Variants in IL20RB observed in about 807,000 individuals in gnomAD.
The protein encoded by IL20RB is interleukin 20 receptor subunit beta.
In IL20RB, 21 loss-of-function variants were observed where a neutral mutation model predicts 33.3. That is an observed-to-expected ratio of 0.63 (90% CI 0.45 to 0.91). The LOEUF is 0.91. IL20RB is among the 40% of genes least tolerant of loss of function. The pLI is 0.00. For missense variants in IL20RB, 345 were observed against 384.8 expected (o/e 0.90, Z 0.86); for synonymous variants, 147 against 146.8 (o/e 1.00, Z -0.01).
chr3:136,970,179 A>G (rs891310065), intron 1 of IL20RB, among the ~76,000 whole-genome samples: 7 of 151,004 alleles, frequency 4.6e-5, no homozygotes, highest in African/African-American at 9.7e-5. Context: ...TGCGGTCTCA[A>G]CCTCCTGGAT....
chr3:136,998,558 T>G (rs1027821512), intron 6 of IL20RB, among the ~76,000 whole-genome samples: 7 of 151,516 alleles, frequency 4.6e-5, no homozygotes. Flanking sequence ...AAATTCTCTT[T>G]GATTTTTTTT....
intron 4 of IL20RB, 31 bp from the exon 5 acceptor site, chr3:136,991,907 G>A: frequency 6.2e-7 from 1 of 1,609,032 alleles, no homozygotes; most frequent in Middle Eastern, 1.7e-4. Context: ...ACCGCACTTG[G>A]CCAATAACTG....
At chr3:136,984,759 C>CTGGAATGGAA (rs770515796) in intron 3 of IL20RB, among the ~76,000 whole-genome samples, 1 of 151,804 alleles carries the variant, frequency 6.6e-6, no homozygotes. Flanking sequence ...GGCACCAGGA[C>CTGGAATGGAA]TGGAATGGAA....
intron 6 of IL20RB, among the ~76,000 whole-genome samples, chr3:137,003,895 G>A (rs888844767): frequency 6.6e-6 from 1 of 152,084 alleles, no homozygotes; most frequent in Admixed American, 6.5e-5. Context: ...ATTGGGTGTG[G>A]GTTTGTCATA....
At chr3:136,968,891 C>T (rs932960817) in intron 1 of IL20RB, among the ~76,000 whole-genome samples, 245 of 23,152 alleles carry the variant, frequency 0.011, 53 homozygotes, top group African/African-American at 0.049. Context: ...GATGTCCTTT[C>T]TGGTTGTTAG....
intron 6 of IL20RB, among the ~76,000 whole-genome samples, chr3:137,003,962 T>C (rs1249738206): frequency 1.3e-5 from 2 of 152,228 alleles, no homozygotes; most frequent in Non-Finnish European, 2.9e-5. Context: ...TTGAGAGTTT[T>C]TAGCATGAAG....
At chr3:136,988,966 A>G (rs781065035) in intron 3 of IL20RB, among the ~76,000 whole-genome samples, 2 of 152,098 alleles carry the variant, frequency 1.3e-5, no homozygotes, top group Non-Finnish European at 2.9e-5. Context: ...GCTGTTCAGT[A>G]TAGACCTGAG....
chr3:137,008,816 AAATAT>A (rs1188921836), intron 6 of IL20RB, among the ~76,000 whole-genome samples: 2 of 151,938 alleles, frequency 1.3e-5, no homozygotes, highest in Non-Finnish European at 2.9e-5. Context: ...TTGTTAAATA[AAATAT>A]ATTATTAAAA....
At chr3:137,009,583 G>A (rs949879724) in intron 6 of IL20RB, among the ~76,000 whole-genome samples, 1 of 152,078 alleles carries the variant, frequency 6.6e-6, no homozygotes, top group African/African-American at 2.4e-5. Flanking sequence ...CTGTTACCTA[G>A]GCTGGAGTGC....
chr3:136,989,044 C>A (rs1205637211), intron 3 of IL20RB, among the ~76,000 whole-genome samples: 1 of 152,264 alleles, frequency 6.6e-6, no homozygotes, highest in South Asian at 2.1e-4. Flanking sequence ...AAGTGAGGAG[C>A]AATTTCTGCT....
chr3:136,994,063 T>A (rs911392417), intron 5 of IL20RB, among the ~76,000 whole-genome samples: 45 of 152,094 alleles, frequency 3.0e-4, no homozygotes, highest in African/African-American at 1.0e-3. Flanking sequence ...GCTGTTGCTC[T>A]AGTTCAGATG....
At chr3:137,003,256 C>T (rs1942282826) in intron 6 of IL20RB, among the ~76,000 whole-genome samples, 1 of 152,134 alleles carries the variant, frequency 6.6e-6, no homozygotes, top group South Asian at 2.1e-4. Context: ...AATGCGGGCT[C>T]TTTTTTGGTT....
chr3:137,008,266 G>T (rs932123134), intron 6 of IL20RB, among the ~76,000 whole-genome samples: 1 of 152,060 alleles, frequency 6.6e-6, no homozygotes, highest in Non-Finnish European at 1.5e-5. Flanking sequence ...GTCCACACAG[G>T]CTCTGGAAAG....
intron 1 of IL20RB, among the ~76,000 whole-genome samples, chr3:136,962,424 T>C (rs1274973806): frequency 6.6e-6 from 1 of 152,102 alleles, no homozygotes; most frequent in Non-Finnish European, 1.5e-5. Context: ...CAAACTGAGA[T>C]ACGTTCTACA....
At chr3:136,969,429 C>T (rs1201375593) in intron 1 of IL20RB, 2 of 113,318 alleles carry the variant, frequency 1.8e-5, no homozygotes, top group African/African-American at 7.1e-5. Flanking sequence ...GTCTGAAAAG[C>T]GCAATATTCG....
At chr3:136,997,336 C>T (rs1942150364) in intron 6 of IL20RB, among the ~76,000 whole-genome samples, 2 of 152,314 alleles carry the variant, frequency 1.3e-5, no homozygotes, top group South Asian at 4.1e-4. Context: ...TCATGATCCA[C>T]CCACCTTGGC....
In IL20RB at chr3:136,995,464, C is replaced by T; in HGVS notation, c.733C>T (p.Leu245=). The change falls in exon 6 of 7, where the codon CTG becomes TTG. Residue 245 remains leucine (L), a synonymous_variant. Coordinates refer to ENST00000329582, the MANE Select transcript of IL20RB (RefSeq NM_144717.4). ...CCTGTTTGCCTTTGTTGGCTTCATG[C>T]TGATCCTTGTGGTCGTGCCACTGTT... ...LALFAFVGFM[L]ILVVVPLFVW... 1 of 1,614,150 alleles carries T rather than the reference C, an allele frequency of 6.2e-7. No individual in the cohort carries two copies. Among genetic ancestry groups the T allele is most frequent in the South Asian group, 1.1e-5 (1 of 91,072 alleles).
At chr3:136,976,672 T>G (rs1266945932) in intron 1 of IL20RB, among the ~76,000 whole-genome samples, 1 of 152,228 alleles carries the variant, frequency 6.6e-6, no homozygotes, top group Non-Finnish European at 1.5e-5. Context: ...CATTCCCAGT[T>G]TGTGCCCCAG....
At chr3:136,976,549 G>A (rs1282105682) in intron 1 of IL20RB, among the ~76,000 whole-genome samples, 2 of 152,208 alleles carry the variant, frequency 1.3e-5, no homozygotes, top group Non-Finnish European at 2.9e-5. Flanking sequence ...CTAAGTCCCA[G>A]TGGCAACTTG....
Sources: allele counts gnomAD v4.1 joint callset (sites outside exome capture counted in the v4.1 genomes callset), GRCh38; gene constraint gnomAD v4.1.1; transcripts MANE v1.5; gene names NCBI Gene and HGNC (gene_info 2026-07-23, HGNC 2026-07-21).